Variants in FHIT observed in about 807,000 individuals in gnomAD.
FHIT encodes the protein bis(5'-adenosyl)-triphosphatase.
FHIT carries 19 observed loss-of-function variants against 17.9 expected under a neutral mutation model. That is an observed-to-expected ratio of 1.06 (90% CI 0.74 to 1.56). FHIT has a LOEUF of 1.56. Ranked by LOEUF, FHIT falls within the 40% of genes most tolerant of loss-of-function variation. The probability of loss-of-function intolerance (pLI) is 0.00; values close to 1 mark genes in which losing one functional copy is unlikely to be tolerated. For missense variants in FHIT, 248 were observed against 189.2 expected (o/e 1.31, Z -1.82); for synonymous variants, 81 against 69.7 (o/e 1.16, Z -0.81).
At chr3:61,176,902 G>A (rs1333287604) in intron 2 of FHIT, among the ~76,000 whole-genome samples, 2 of 152,292 alleles carry the variant, frequency 1.3e-5, no homozygotes, top group South Asian at 2.1e-4. Flanking sequence ...CCGGCCGGGC[G>A]TGGTGGCTCA....
At chr3:61,184,211 A>G (rs112691877) in intron 2 of FHIT, among the ~76,000 whole-genome samples, 2,154 of 152,122 alleles carry the variant, frequency 0.014, 56 homozygotes, top group African/African-American at 0.049. Flanking sequence ...CTCGGCTAAC[A>G]TCCCCTTTGG....
chr3:59,983,627 T>C (rs771129170), intron 7 of FHIT, among the ~76,000 whole-genome samples: 1 of 152,128 alleles, frequency 6.6e-6, no homozygotes, highest in Non-Finnish European at 1.5e-5. Context: ...TCTTAGAATG[T>C]ATTCCCTTTA....
chr3:60,942,577 CTT>C (rs1314382811), intron 3 of FHIT, among the ~76,000 whole-genome samples: 1 of 151,900 alleles, frequency 6.6e-6, no homozygotes. Flanking sequence ...CTCTCTCTCT[CTT>C]TGTTCTTCTC....
intron 8 of FHIT, among the ~76,000 whole-genome samples, chr3:59,808,998 T>C (rs1700311597): frequency 6.6e-6 from 1 of 152,152 alleles, no homozygotes; most frequent in Non-Finnish European, 1.5e-5. Context: ...TTCCCGGTGG[T>C]GATCATGGAT....
At chr3:61,033,823 A>G (rs912087369) in intron 3 of FHIT, among the ~76,000 whole-genome samples, 17 of 152,254 alleles carry the variant, frequency 1.1e-4, no homozygotes, top group Non-Finnish European at 2.2e-4. Flanking sequence ...AAAATTCAAC[A>G]GAAGAAAATC....
intron 3 of FHIT, among the ~76,000 whole-genome samples, chr3:60,879,302 T>A (rs116632917): frequency 6.6e-6 from 1 of 152,144 alleles, no homozygotes; most frequent in Non-Finnish European, 1.5e-5. Flanking sequence ...ACAGTTACTG[T>A]TGACACTGAA....
At chr3:59,935,877 T>G (rs956254484) in intron 7 of FHIT, among the ~76,000 whole-genome samples, 1 of 152,230 alleles carries the variant, frequency 6.6e-6, no homozygotes, top group African/African-American at 2.4e-5. Flanking sequence ...TTCTTGTCAT[T>G]TTCTTTTGCT....
Position 60,042,706 on chromosome 3 carries a change from T to G in FHIT, c.104-28554A>C, listed in dbSNP as rs984411310. 2.6e-5 allele frequency among the ~76,000 whole-genome samples: 4 copies of G among 152,108 alleles called. No individual in the cohort carries two copies. In the South Asian group the frequency reaches 8.3e-4, roughly 32 times the overall value. On this transcript the variant is annotated intron_variant, in intron 5 of 9. Coordinates refer to ENST00000492590, the MANE Select transcript of FHIT (RefSeq NM_002012.4). ...CAGATACACTCACATTCAGAGGCAC[T>G]AGGGATTAGGACTTCAACTTATCTT...
At chr3:60,435,612 G>C (rs112156190) in intron 5 of FHIT, among the ~76,000 whole-genome samples, 5 of 151,962 alleles carry the variant, frequency 3.3e-5, no homozygotes, top group African/African-American at 1.2e-4. Context: ...ATAAATGCCA[G>C]ATTGAGTTAC....
chr3:60,324,881 G>A (rs1262670963), intron 5 of FHIT, among the ~76,000 whole-genome samples: 5 of 152,050 alleles, frequency 3.3e-5, no homozygotes, highest in Admixed American at 2.6e-4. Flanking sequence ...ACCTTCAACA[G>A]ATTCAAATCT....
chr3:59,801,112 G>A (rs1699976455), intron 8 of FHIT, among the ~76,000 whole-genome samples: 1 of 152,174 alleles, frequency 6.6e-6, no homozygotes, highest in Non-Finnish European at 1.5e-5. Flanking sequence ...CTGCTCATTT[G>A]CTGACTATGA....
chr3:60,661,344 T>A (rs1227353970), intron 4 of FHIT, among the ~76,000 whole-genome samples: 1 of 152,198 alleles, frequency 6.6e-6, no homozygotes, highest in Non-Finnish European at 1.5e-5. Flanking sequence ...AGAATAATGA[T>A]CTCCAATTCC....
At chr3:60,360,571 C>A (rs1360052941) in intron 5 of FHIT, among the ~76,000 whole-genome samples, 3 of 152,104 alleles carry the variant, frequency 2.0e-5, no homozygotes, top group African/African-American at 2.4e-5. Flanking sequence ...TCACTCTGAG[C>A]ACCCACAAAA....
intron 5 of FHIT, among the ~76,000 whole-genome samples, chr3:60,341,098 C>G (rs577616679): frequency 1.7e-4 from 26 of 152,222 alleles, no homozygotes; most frequent in African/African-American, 6.3e-4. Context: ...TCCACAGAGC[C>G]AAATGCGGGA....
In FHIT at chr3:60,744,246, TA is replaced by T. The variant is rs368982395; in HGVS notation, c.-18+77672del. On this transcript the variant is annotated intron_variant, in intron 4 of 9. Coordinates refer to ENST00000492590, the MANE Select transcript of FHIT (RefSeq NM_002012.4). Reference sequence around the variant, plus strand: ...TCTCCTTTGCAAATTGGAAGTAATGTAAAAAAAAAAACAAAACAAAACAAAA... The same window carrying T: ...TCTCCTTTGCAAATTGGAAGTAATGTAAAAAAAAAACAAAACAAAACAAAA... Among the ~76,000 whole-genome samples, 15 of 30,930 alleles carry T rather than the reference TA, an allele frequency of 4.8e-4. No individual in the cohort carries two copies. The South Asian group carries it at 9.3e-3, about 19-fold the overall frequency. The allele number at this position is 30,930 out of a possible 152,430, so 20.3% of individuals were successfully genotyped here.
rs72886256 is a variant in FHIT, at chr3:60,841,743, G to A, written c.-110-19732C>T. 8.3e-3 allele frequency among the ~76,000 whole-genome samples: 1,264 copies of A among 152,210 alleles called. 20 individuals are homozygous for A. The highest frequency in any genetic ancestry group is 0.028 in the African/African-American group (1,153 of 41,528). ...CATATCTAGCAGTCTGAATGCCTAA[G>A]GGAAAGGATGCAGGGCTTTTAAGTT... On this transcript the variant is annotated intron_variant, in intron 3 of 9. Transcript: ENST00000492590.
At chr3:60,114,741 G>C (rs572443375) in intron 5 of FHIT, among the ~76,000 whole-genome samples, 2 of 151,980 alleles carry the variant, frequency 1.3e-5, no homozygotes, top group Non-Finnish European at 2.9e-5. Flanking sequence ...CAATGCACCT[G>C]TCTCAGCCTC....
chr3:59,939,690 C>A (rs1430337808), intron 7 of FHIT, among the ~76,000 whole-genome samples: 7 of 152,172 alleles, frequency 4.6e-5, no homozygotes, highest in Non-Finnish European at 1.0e-4. Context: ...TCAGGCTTAA[C>A]TCATTAAGGT....
intron 2 of FHIT, among the ~76,000 whole-genome samples, chr3:61,085,175 G>A (rs1156277626): frequency 6.6e-6 from 1 of 152,122 alleles, no homozygotes; most frequent in Non-Finnish European, 1.5e-5. Flanking sequence ...AAGTGGAATT[G>A]CTAAGTCTTA....
Sources: allele counts gnomAD v4.1 joint callset (sites outside exome capture counted in the v4.1 genomes callset), GRCh38; gene constraint gnomAD v4.1.1; transcripts MANE v1.5; gene names NCBI Gene and HGNC (gene_info 2026-07-23, HGNC 2026-07-21).